Variants in OGFR observed in about 807,000 individuals in gnomAD.
OGFR encodes the protein opioid growth factor receptor, also known as protein 7-60.
Under a neutral mutation model 33.6 loss-of-function variants are expected in OGFR, and 18 were observed. The observed-to-expected ratio is 0.54, with a 90% CI of 0.37 to 0.80. The LOEUF (loss-of-function observed/expected upper bound fraction) is 0.80. Ranked by LOEUF, OGFR falls within the 30% of genes least tolerant of loss-of-function variation. The pLI is 0.00. For missense variants in OGFR, 877 were observed against 955.8 expected (o/e 0.92, Z 1.09); for synonymous variants, 370 against 400.7 (o/e 0.92, Z 0.91).
intron 1 of OGFR, chr20:62,806,696 C>G (rs1429914556): frequency 6.6e-6 from 1 of 152,346 alleles, no homozygotes; most frequent in Non-Finnish European, 1.5e-5. Flanking sequence ...CCCCCAGGAT[C>G]CTGGGTCCCA....
At chr20:62,810,609 C>T in intron 5 of OGFR, 44 bp downstream of exon 5, 5 of 1,583,256 alleles carry the variant, frequency 3.2e-6, no homozygotes, top group Non-Finnish European at 4.3e-6. Flanking sequence ...GATGGGGAGG[C>T]CTGGGCAAGC....
Position 62,804,846 on chromosome 20 carries a change from C to A in OGFR, c.-14C>A. On this transcript the variant is annotated 5_prime_UTR_variant, in exon 1 of 7. Transcript: ENST00000290291. The stretch of plus-strand genomic sequence containing the variant: ...TCGCTTCCGCCTCCAGCGCGAGCCC[C>A]GCCGCCGCCGAGCATGGACGACCCC... The A allele has an allele frequency of 6.9e-7, 1 of 1,447,078 alleles. No homozygotes were observed. Among genetic ancestry groups the A allele is most frequent in the Non-Finnish European group, 9.1e-7 (1 of 1,101,046 alleles). The allele number at this position is 1,447,078 out of a possible 1,614,324, so 89.6% of individuals were successfully genotyped here.
chr20:62,806,330 G>C (rs1375471183), intron 1 of OGFR: 2 of 152,244 alleles, frequency 1.3e-5, no homozygotes, highest in Admixed American at 1.3e-4. Context: ...ATCACCAGAG[G>C]TCAGGAGTCC....
chr20:62,807,388 G>C (rs1990619342), intron 1 of OGFR, 149 bp from the exon 2 acceptor site: 2 of 687,468 alleles, frequency 2.9e-6, no homozygotes, highest in Non-Finnish European at 5.1e-6. Flanking sequence ...AAAGAGCCAG[G>C]GCAGGAGAAT....
intron 2 of OGFR, 121 bp from the exon 3 acceptor site, chr20:62,808,126 G>C (rs1325174516): frequency 1.2e-6 from 1 of 808,640 alleles, no homozygotes; most frequent in South Asian, 1.3e-5. Flanking sequence ...GAGCCAGGCG[G>C]GCTCTTGGGG....
At chr20:62,810,852 C>T (rs1203053020) in intron 5 of OGFR, among the ~76,000 whole-genome samples, 3 of 152,250 alleles carry the variant, frequency 2.0e-5, no homozygotes, top group Non-Finnish European at 4.4e-5. Flanking sequence ...CTGCCTTTCT[C>T]ACCACTGGTT....
chr20:62,812,920 C>T lies in OGFR; in HGVS notation c.1305C>T (p.Asp435=), dbSNP rs767811071. 6 of 1,612,292 alleles carry T rather than the reference C, an allele frequency of 3.7e-6. No homozygotes were observed. In the African/African-American group the frequency reaches 6.7e-5, roughly 18 times the overall value. The change falls in exon 7 of 7, where the codon GAC becomes GAT. Residue 435 remains aspartate (D), a synonymous_variant. Transcript: ENST00000290291. Reference sequence around the variant, plus strand: ...GGACCCAGGAAGTGGGCGGTCAGGACCCTGGGGAGGCAGTGCAGCCCTGCC... The same window carrying T: ...GGACCCAGGAAGTGGGCGGTCAGGATCCTGGGGAGGCAGTGCAGCCCTGCC... ...RTGTQEVGGQ[D]PGEAVQPCRQ...
chr20:62,812,493 G>A lies in OGFR; in HGVS notation c.878G>A (p.Arg293Gln), dbSNP rs143344737. 190 of 1,581,374 alleles carry A rather than the reference G, an allele frequency of 1.2e-4. No individual in the cohort carries two copies. In the African/African-American group the frequency reaches 1.9e-3, roughly 16 times the overall value. The change falls in exon 7 of 7, where the codon CGG (arginine) becomes CAG (glutamine). Residue 293 changes from arginine (R) to glutamine (Q), a missense_variant. By Grantham distance (43) the Arg-to-Gln change is conservative. Transcript: ENST00000290291. ...GTCTGGGGGCCCCAAGACAAGCTGCGGAGGTTCAAGCCCAGCTCTCTGCCC... is the reference window on the plus strand; with the variant it reads ...GTCTGGGGGCCCCAAGACAAGCTGCAGAGGTTCAAGCCCAGCTCTCTGCCC... ...KFVWGPQDKL[R>Q]RFKPSSLPHP...
intron 1 of OGFR, 93 bp from the exon 2 acceptor site, chr20:62,807,443 GT>G (rs907801426): frequency 1.9e-6 from 2 of 1,064,558 alleles, no homozygotes; most frequent in African/African-American, 3.1e-5. Context: ...AGACAGCTCT[GT>G]GGCAGCTGGC....
rs758428124 is a variant in OGFR, at chr20:62,812,578, C to A, written c.963C>A (p.His321Gln). Residue 321 changes from histidine to glutamine, a missense_variant, in exon 7 of 7, where the codon CAC becomes CAA. Physicochemically the swap from His to Gln is conservative, Grantham distance 24 (BLOSUM62 0). Coordinates refer to ENST00000290291, the MANE Select transcript of OGFR (RefSeq NM_007346.4). ...AAGGAAGCCCCGGGGACCCCGACCA[C>A]GAGGCCAGCACCCAGGGTCGGACCT... The part of the protein sequence containing the change: ...EEEGSPGDPD[H>Q]EASTQGRTCG... 5 of 1,576,068 alleles carry A rather than the reference C, an allele frequency of 3.2e-6. No individual in the cohort carries two copies. In the South Asian group the frequency reaches 5.8e-5, roughly 18 times the overall value.
At chr20:62,808,403 G>C (rs1990645820) in intron 3 of OGFR, 78 bp downstream of exon 3, 1 of 1,096,614 alleles carries the variant, frequency 9.1e-7, no homozygotes, top group African/African-American at 1.5e-5. Context: ...CCTGGTTTGG[G>C]ATGTACCCGG....
chr20:62,808,219 C>T lies in OGFR; in HGVS notation c.241-28C>T, dbSNP rs776634218. The T allele has an allele frequency of 3.2e-6, 5 of 1,573,356 alleles. No homozygotes were observed. In the South Asian group the frequency reaches 4.4e-5, roughly 14 times the overall value. ...AGGGCAGCTTGTGTCTGATGGATCCCTGCTGTCCCCTTTCTCTGGCTCTTC... is the reference window on the plus strand; with the variant it reads ...AGGGCAGCTTGTGTCTGATGGATCCTTGCTGTCCCCTTTCTCTGGCTCTTC... On this transcript the variant is annotated intron_variant, in intron 2 of 6. Transcript: ENST00000290291.
In OGFR at chr20:62,804,869, C is replaced by T. The variant is rs770036570; in HGVS notation, c.10C>T (p.Pro4Ser). MDD[P>S]DCDSTWEEDE... ...CCCGCCGCCGCCGAGCATGGACGAC[C>T]CCGACTGCGACTCCACCTGGGAGGA... Residue 4 changes from proline to serine, a missense_variant, in exon 1 of 7, where the codon CCC becomes TCC. Coordinates refer to ENST00000290291, the MANE Select transcript of OGFR (RefSeq NM_007346.4). The T allele has an allele frequency of 6.7e-7, 1 of 1,483,750 alleles. No homozygotes were observed. The highest frequency in any genetic ancestry group is 9.0e-7 in the Non-Finnish European group (1 of 1,116,870). 91.9% of individuals were successfully genotyped at this position (1,483,750 alleles called of 1,614,324 possible). A position where few individuals can be genotyped will look rare whatever the true frequency, so the allele number is the denominator to read the frequency against.
chr20:62,812,752 C>G lies in OGFR; in HGVS notation c.1137C>G (p.Pro379=). ...AAGATAGGCCGGAGCCCTTAAGCCC[C>G]AAAGAGAGCAAGAAGAGGAAGCTGG... is the stretch of plus-strand genomic sequence containing the variant. ...HGEDRPEPLS[P]KESKKRKLEL... Residue 379 remains proline, a synonymous_variant, in exon 7 of 7, where the codon CCC becomes CCG. Coordinates refer to ENST00000290291, the MANE Select transcript of OGFR (RefSeq NM_007346.4). The G allele has an allele frequency of 6.2e-7, 1 of 1,610,392 alleles. No individual in the cohort carries two copies. Among genetic ancestry groups the G allele is most frequent in the East Asian group, 2.2e-5 (1 of 44,748 alleles).
At position 62,807,361 on chromosome 20, in the gene OGFR, C is replaced by T. The variant is rs1020251786; in HGVS notation, c.172-176C>T. On this transcript the variant is annotated intron_variant, in intron 1 of 6. Transcript: ENST00000290291. ...GCGTTACTGAGGCCCAAATCTGCCC[C>T]ACTGGGAACCCCCAAAAAAGAGCCA... 6.0e-5 allele frequency: 38 copies of T among 632,414 alleles called. No homozygotes were observed. The African/African-American group carries it at 6.4e-4, about 11-fold the overall frequency. 39.2% of individuals were successfully genotyped at this position (632,414 alleles called of 1,614,324 possible).
At chr20:62,806,606 C>T (rs867653171) in intron 1 of OGFR, 5 of 152,300 alleles carry the variant, frequency 3.3e-5, no homozygotes, top group African/African-American at 4.8e-5. Context: ...AGAGAGGCAA[C>T]GCCAGGTCCC....
intron 6 of OGFR, 139 bp from the exon 7 acceptor site, chr20:62,812,091 G>T (rs996029380): frequency 6.7e-6 from 5 of 750,068 alleles, no homozygotes; most frequent in Non-Finnish European, 1.1e-5. Context: ...GCCCAGAGAG[G>T]TAAATGGAGA....
chr20:62,808,473 G>T, intron 3 of OGFR, 148 bp downstream of exon 3: 1 of 637,872 alleles, frequency 1.6e-6, no homozygotes, highest in South Asian at 1.8e-5. Flanking sequence ...GCGGCCAGAG[G>T]GACTCCAGGA....
At chr20:62,807,677 GT>G in intron 2 of OGFR, 72 bp downstream of exon 2, 1 of 1,494,088 alleles carries the variant, frequency 6.7e-7, no homozygotes, top group Non-Finnish European at 9.2e-7. Context: ...AATGTCCCAG[GT>G]TCTACTGGAA....
Sources: allele counts gnomAD v4.1 joint callset (sites outside exome capture counted in the v4.1 genomes callset), GRCh38; gene constraint gnomAD v4.1.1; transcripts MANE v1.5; gene names NCBI Gene and HGNC (gene_info 2026-07-23, HGNC 2026-07-21).